The following ZMIZ1 variants were observed in gnomAD, a reference collection of about 807,000 sequenced individuals.
ZMIZ1 encodes zinc finger MIZ domain-containing protein 1.
Under a neutral mutation model 113.9 loss-of-function variants are expected in ZMIZ1, and 17 were observed. That is an observed-to-expected ratio of 0.15 (90% confidence interval 0.10 to 0.22). The LOEUF (loss-of-function observed/expected upper bound fraction) is 0.22. Among genes scored for constraint, ZMIZ1 ranks in the 10% least tolerant of loss-of-function variants. ZMIZ1 has a pLI of 1.00. For missense variants in ZMIZ1, 1,059 were observed against 1,477.8 expected, an observed-to-expected ratio of 0.72 and a Z score of 4.65; for synonymous variants, 607 against 603.1, an observed-to-expected ratio of 1.01 and a Z score of -0.09.
intron 4 of ZMIZ1, among the ~76,000 whole-genome samples, chr10:79,197,785 A>G (rs1287390466): frequency 1.3e-5 from 2 of 151,776 alleles, no homozygotes; most frequent in African/African-American, 4.8e-5. Flanking sequence ...ATGTAACTAC[A>G]TTTTCTTATC....
intron 1 of ZMIZ1, among the ~76,000 whole-genome samples, chr10:79,075,263 A>G (rs1842430287): frequency 6.6e-6 from 1 of 152,040 alleles, no homozygotes. Context: ...CCCAGCTCAA[A>G]CCCTTCACTG....
chr10:79,248,459 A>G (rs1850342846), intron 7 of ZMIZ1, among the ~76,000 whole-genome samples: 2 of 152,074 alleles, frequency 1.3e-5, no homozygotes, highest in Admixed American at 1.3e-4. Context: ...AAGGCTTTGG[A>G]GCCTCAGAGG....
chr10:79,245,156 A>G (rs1281412137), intron 7 of ZMIZ1, among the ~76,000 whole-genome samples: 1 of 152,214 alleles, frequency 6.6e-6, no homozygotes, highest in Non-Finnish European at 1.5e-5. Flanking sequence ...ACACCTCGCT[A>G]CATAAGGCTG....
At chr10:79,116,033 G>A (rs191308704) in intron 1 of ZMIZ1, among the ~76,000 whole-genome samples, 6 of 152,192 alleles carry the variant, frequency 3.9e-5, no homozygotes, top group African/African-American at 1.4e-4. Context: ...AAGAGGGAAG[G>A]AGTGGTGCAC....
chr10:79,295,001 C>T (rs1298230466), intron 12 of ZMIZ1: 2 of 152,086 alleles, frequency 1.3e-5, no homozygotes, highest in African/African-American at 4.8e-5. Context: ...CCCCAACCCT[C>T]CACCTGGTGG....
chr10:79,274,806 T>C (rs75716870), intron 7 of ZMIZ1, among the ~76,000 whole-genome samples: 3,322 of 152,308 alleles, frequency 0.022, 54 homozygotes, highest in South Asian at 0.055. Context: ...TTTATTCCCT[T>C]TATGGAAACC....
chr10:79,082,788 C>A (rs1842698366), intron 1 of ZMIZ1, among the ~76,000 whole-genome samples: 1 of 152,230 alleles, frequency 6.6e-6, no homozygotes, highest in African/African-American at 2.4e-5. Flanking sequence ...CTGCCAGGCC[C>A]TGCGTCACTT....
chr10:79,210,531 G>A (rs1848488955), intron 6 of ZMIZ1, among the ~76,000 whole-genome samples: 4 of 152,248 alleles, frequency 2.6e-5, no homozygotes, highest in Admixed American at 1.3e-4. Context: ...TGTCTCCTGA[G>A]GAGTTGACCT....
At chr10:79,116,464 C>T (rs1032378742) in intron 1 of ZMIZ1, among the ~76,000 whole-genome samples, 3 of 152,122 alleles carry the variant, frequency 2.0e-5, no homozygotes, top group Admixed American at 6.5e-5. Context: ...CAGGGAGGGC[C>T]TCCAGGAGAA....
intron 1 of ZMIZ1, among the ~76,000 whole-genome samples, chr10:79,094,619 A>AG (rs1461227805): frequency 1.3e-5 from 2 of 152,176 alleles, no homozygotes; most frequent in Non-Finnish European, 2.9e-5. Context: ...GACAAGACCA[A>AG]GGCCTCGCTG....
At chr10:79,079,897 G>A (rs1238040593) in intron 1 of ZMIZ1, among the ~76,000 whole-genome samples, 1 of 152,214 alleles carries the variant, frequency 6.6e-6, no homozygotes, top group African/African-American at 2.4e-5. Context: ...GCTGCATTTT[G>A]TGGGTCCCGC....
At chr10:79,087,410 A>G (rs548707303) in intron 1 of ZMIZ1, among the ~76,000 whole-genome samples, 52 of 152,290 alleles carry the variant, frequency 3.4e-4, no homozygotes, top group Middle Eastern at 3.4e-3. Context: ...TTGGGTGTCC[A>G]TGTCCCCATT....
rs114854513 is a variant in ZMIZ1 at position 79,312,962 on chromosome 10, A to G, written c.*213A>G. On this transcript the variant is annotated 3_prime_UTR_variant, in exon 25 of 25. Coordinates refer to ENST00000334512, the MANE Select transcript of ZMIZ1 (RefSeq NM_020338.4). ...GGAAGGCTGTGTGGGTCTGGAGCCC[A>G]CGTCCCACCTCCACACCCTTGGCTT... 4,596 of 572,726 alleles carry G rather than the reference A, an allele frequency of 8.0e-3. 181 individuals carry two copies. The highest frequency in any genetic ancestry group is 0.079 in the African/African-American group (4,222 of 53,326). The allele number at this position is 572,726 out of a possible 1,614,324, so 35.5% of individuals were successfully genotyped here.
intron 7 of ZMIZ1, among the ~76,000 whole-genome samples, chr10:79,269,149 GCTC>G (rs1210737752): frequency 3.9e-5 from 6 of 152,276 alleles, no homozygotes; most frequent in African/African-American, 1.4e-4. Context: ...AGCCCCTGCA[GCTC>G]CCATGCCCAG....
intron 18 of ZMIZ1, among the ~76,000 whole-genome samples, chr10:79,302,497 G>A (rs1445829073): frequency 1.3e-5 from 2 of 152,150 alleles, no homozygotes; most frequent in Non-Finnish European, 2.9e-5. Flanking sequence ...AGGCATACCT[G>A]CAATAGCAGC....
chr10:79,285,497 C>G (rs1394666119), intron 8 of ZMIZ1: 1 of 455,966 alleles, frequency 2.2e-6, no homozygotes, highest in Non-Finnish European at 4.4e-6. Flanking sequence ...GGTTTCATCG[C>G]TTCCCTCTGT....
At chr10:79,251,257 C>T (rs1193198837) in intron 7 of ZMIZ1, among the ~76,000 whole-genome samples, 1 of 152,162 alleles carries the variant, frequency 6.6e-6, no homozygotes, top group African/African-American at 2.4e-5. Context: ...CTGTCTAAGC[C>T]TCAGTTTCCT....
intron 18 of ZMIZ1, 112 bp from the exon 19 acceptor site, chr10:79,303,903 G>A: frequency 2.1e-6 from 3 of 1,454,152 alleles, no homozygotes; most frequent in Non-Finnish European, 2.8e-6. Flanking sequence ...TGGGCTGGGA[G>A]GAGAACCAGG....
At chr10:79,075,945 G>A (rs945114531) in intron 1 of ZMIZ1, among the ~76,000 whole-genome samples, 4 of 152,206 alleles carry the variant, frequency 2.6e-5, no homozygotes, top group Non-Finnish European at 5.9e-5. Context: ...TGACTGGCAG[G>A]GAGGATGGGG....
Sources: allele counts gnomAD v4.1 joint callset (sites outside exome capture counted in the v4.1 genomes callset), GRCh38; gene constraint gnomAD v4.1.1; transcripts MANE v1.5; gene names NCBI Gene and HGNC (gene_info 2026-07-23, HGNC 2026-07-21).